The following ARSB variants were observed in gnomAD, a reference collection of about 807,000 sequenced individuals.
The protein encoded by ARSB is N-acetylgalactosamine-4-sulfatase.
ARSB carries 41 observed loss-of-function variants against 50.9 expected under a neutral mutation model. The observed-to-expected ratio is 0.81, with a 90% CI of 0.63 to 1.04. The LOEUF is 1.04. Among genes scored for constraint, ARSB ranks in the 50% least tolerant of loss-of-function variants. The pLI is 0.00. For synonymous variants in ARSB, 269 were observed against 284.8 expected (o/e 0.94, Z 0.56); for missense variants, 672 against 693.3 (o/e 0.97, Z 0.35).
intron 4 of ARSB, among the ~76,000 whole-genome samples, chr5:78,922,890 G>A (rs1749892840): frequency 6.6e-6 from 1 of 151,884 alleles, no homozygotes; most frequent in South Asian, 2.1e-4. Context: ...CCAAAGTGCT[G>A]GGATTACAGG....
chr5:78,934,330 G>A (rs528675767), intron 4 of ARSB, among the ~76,000 whole-genome samples: 1 of 152,048 alleles, frequency 6.6e-6, no homozygotes, highest in African/African-American at 2.4e-5. Flanking sequence ...ATGTCATTTG[G>A]AGCAAAAAAC....
intron 5 of ARSB, among the ~76,000 whole-genome samples, chr5:78,850,816 G>A (rs983523095): frequency 7.2e-5 from 11 of 152,164 alleles, no homozygotes; most frequent in South Asian, 2.1e-4. Flanking sequence ...TAATTTATCC[G>A]TTTCTTCTAG....
At chr5:78,918,376 T>G (rs549497541) in intron 4 of ARSB, among the ~76,000 whole-genome samples, 24 of 152,332 alleles carry the variant, frequency 1.6e-4, no homozygotes, top group Non-Finnish European at 2.6e-4. Flanking sequence ...TATCAAATTT[T>G]ATTTCAAGGG....
intron 5 of ARSB, among the ~76,000 whole-genome samples, chr5:78,868,934 C>T (rs1303609057): frequency 1.1e-4 from 16 of 151,848 alleles, no homozygotes; most frequent in Non-Finnish European, 2.2e-4. Context: ...CGTGCAGAGA[C>T]ACACATAGGC....
chr5:78,984,036 A>G (rs1047645807), intron 1 of ARSB, among the ~76,000 whole-genome samples: 1 of 151,956 alleles, frequency 6.6e-6, no homozygotes, highest in East Asian at 1.9e-4. Flanking sequence ...GATTGAGGGG[A>G]AAAAAGGCCA....
At chr5:78,887,686 A>T (rs1204349280) in intron 4 of ARSB, among the ~76,000 whole-genome samples, 1 of 152,210 alleles carries the variant, frequency 6.6e-6, no homozygotes, top group African/African-American at 2.4e-5. Context: ...CACGTTTTTT[A>T]AAAGGAAGTT....
chr5:78,901,593 G>T (rs909501019), intron 4 of ARSB, among the ~76,000 whole-genome samples: 1 of 127,016 alleles, frequency 7.9e-6, no homozygotes, highest in Non-Finnish European at 1.8e-5. Context: ...TGATATCTAC[G>T]TTAAAAAAAA....
intron 6 of ARSB, among the ~76,000 whole-genome samples, chr5:78,821,625 T>C (rs1744227569): frequency 6.6e-6 from 1 of 152,196 alleles, no homozygotes; most frequent in African/African-American, 2.4e-5. Flanking sequence ...GTGGGAAAAT[T>C]GAGCACTGCT....
At chr5:78,940,221 T>C (rs1285764866) in intron 4 of ARSB, among the ~76,000 whole-genome samples, 16 of 152,136 alleles carry the variant, frequency 1.1e-4, no homozygotes, top group Admixed American at 9.8e-4. Context: ...TTTTCTACCA[T>C]TCTGAAGGTT....
At chr5:78,879,225 GT>G (rs1561478733) in intron 5 of ARSB, among the ~76,000 whole-genome samples, 2 of 152,110 alleles carry the variant, frequency 1.3e-5, no homozygotes, top group Non-Finnish European at 2.9e-5. Context: ...TAATCCTTTG[GT>G]TTTCCTTTTT....
intron 5 of ARSB, among the ~76,000 whole-genome samples, chr5:78,866,519 A>C (rs1019286555): frequency 6.6e-6 from 1 of 152,216 alleles, no homozygotes; most frequent in Non-Finnish European, 1.5e-5. Flanking sequence ...CAGAAAGAGA[A>C]GGTCACACCC....
intron 4 of ARSB, among the ~76,000 whole-genome samples, chr5:78,918,574 T>G (rs1319764147): frequency 6.6e-6 from 1 of 151,866 alleles, no homozygotes; most frequent in Non-Finnish European, 1.5e-5. Flanking sequence ...CACACATGCA[T>G]GCACAAATAC....
intron 4 of ARSB, among the ~76,000 whole-genome samples, chr5:78,943,084 C>G (rs975508550): frequency 6.6e-5 from 10 of 152,162 alleles, no homozygotes; most frequent in Non-Finnish European, 1.2e-4. Flanking sequence ...TCTGTTTTAT[C>G]AGAGACTAGG....
At chr5:78,961,214 A>G (rs922393448) in intron 3 of ARSB, among the ~76,000 whole-genome samples, 2 of 152,224 alleles carry the variant, frequency 1.3e-5, no homozygotes, top group African/African-American at 4.8e-5. Context: ...AATTAGATTC[A>G]ACATCGGGAT....
chr5:78,965,129 T>C (rs1031213006), intron 2 of ARSB, among the ~76,000 whole-genome samples: 3 of 152,142 alleles, frequency 2.0e-5, no homozygotes, highest in African/African-American at 7.2e-5. Flanking sequence ...CCTTTCCTAA[T>C]AGAGGATCTC....
intron 5 of ARSB, among the ~76,000 whole-genome samples, chr5:78,844,739 C>CTTTTTTTATTATGTTTTTTTTTTTTTTT (rs1745369137): frequency 3.3e-5 from 5 of 152,020 alleles, no homozygotes; most frequent in Admixed American, 1.3e-4. Context: ...TCATTATCTT[C>CTTTTTTTATTATGTTTTTTTTTTTTTTT]TTTTTTTATT....
intron 4 of ARSB, among the ~76,000 whole-genome samples, chr5:78,915,077 T>G (rs1580054839): frequency 6.6e-6 from 1 of 152,232 alleles, no homozygotes; most frequent in African/African-American, 2.4e-5. Flanking sequence ...ATGTGTGTAT[T>G]TTTGCCTAGA....
intron 4 of ARSB, among the ~76,000 whole-genome samples, chr5:78,938,677 GCT>G (rs1270888719): frequency 2.0e-5 from 3 of 152,146 alleles, no homozygotes; most frequent in Non-Finnish European, 2.9e-5. Flanking sequence ...CCTTGAATGA[GCT>G]CTCTCTTTGC....
Position 78,839,342 on chromosome 5 carries a change from G to A in ARSB, c.1213+14C>T. The A allele has an allele frequency of 6.2e-7, 1 of 1,610,706 alleles. No homozygotes were observed. The highest frequency in any genetic ancestry group is 8.5e-7 in the Non-Finnish European group (1 of 1,177,098). On this transcript the variant is annotated intron_variant, in intron 6 of 7. Transcript: ENST00000264914. The stretch of plus-strand genomic sequence containing the variant: ...CAATTAGATTTAATCTAGTAGCAAT[G>A]CACTGGTACTCACACGGTGAAGAGT...
Sources: gnomAD v4.1 joint callset for allele counts (sites outside exome capture counted in the v4.1 genomes callset) on GRCh38, gnomAD v4.1.1 for gene constraint, MANE v1.5 for transcripts, NCBI Gene and HGNC (gene_info 2026-07-23, HGNC 2026-07-21) for gene names.